STAP2: variants seen among roughly 807,000 people sequenced by gnomAD.
STAP2 encodes the protein signal-transducing adaptor protein 2.
In STAP2, 58 loss-of-function variants were observed where a neutral mutation model predicts 52.7. The ratio of observed to expected loss-of-function variants is 1.10; its 90% CI spans 0.89 to 1.37. The LOEUF (loss-of-function observed/expected upper bound fraction) is 1.37. Ranked by LOEUF, STAP2 falls within the 40% of genes most tolerant of loss-of-function variation. The pLI, the probability that STAP2 is intolerant of heterozygous loss-of-function variation, is 0.00. For missense variants in STAP2, 522 were observed against 519.4 expected, an observed-to-expected ratio of 1.00 and a Z score of -0.05; for synonymous variants, 231 against 210.5, an observed-to-expected ratio of 1.10 and a Z score of -0.84.
intron 1 of STAP2, among the ~76,000 whole-genome samples, chr19:4,336,556 C>G (rs987626295): frequency 1.3e-5 from 2 of 152,060 alleles, no homozygotes; most frequent in Non-Finnish European, 2.9e-5. Context: ...TCAAGTGATC[C>G]TCCCACCTCG....
chr19:4,329,077 C>A, intron 5 of STAP2: 2 of 416,842 alleles, frequency 4.8e-6, no homozygotes, highest in Non-Finnish European at 8.5e-6. Flanking sequence ...CTCGGCTCAC[C>A]GCAACCTCCG....
chr19:4,336,544 C>A (rs1282450030), intron 1 of STAP2, among the ~76,000 whole-genome samples: 2 of 152,014 alleles, frequency 1.3e-5, no homozygotes, highest in Non-Finnish European at 2.9e-5. Flanking sequence ...GAACTCCTGA[C>A]CTCAAGTGAT....
chr19:4,327,473 C>A, intron 6 of STAP2, 88 bp from the exon 7 acceptor site: 1 of 1,435,300 alleles, frequency 7.0e-7, no homozygotes, highest in South Asian at 1.2e-5. Context: ...CAGGCTCCGC[C>A]TCCAATAGAA....
At chr19:4,334,110 T>A in intron 1 of STAP2, 66 bp from the exon 2 acceptor site, 2 of 1,411,262 alleles carry the variant, frequency 1.4e-6, no homozygotes, top group South Asian at 2.5e-5. Flanking sequence ...ATGTACTCAA[T>A]CCTGTCTCGG....
At chr19:4,325,141 A>G (rs930346774) in intron 11 of STAP2, 75 bp downstream of exon 11, 3 of 1,338,138 alleles carry the variant, frequency 2.2e-6, no homozygotes, top group Admixed American at 2.4e-5. Context: ...TGTCTCAAAA[A>G]AAAAAAAAAA....
rs1029590768 is a variant in STAP2 at position 4,324,658 on chromosome 19, C to T, written c.1073-129G>A. ...ACCAGCCTGGGCAACATGGTGAAAC[C>T]CCTTCTCTACTAAAAATACAAAAAT... On this transcript the variant is annotated intron_variant, in intron 11 of 12. Transcript: ENST00000594605. The T allele has an allele frequency of 2.3e-6, 2 of 865,834 alleles. No homozygotes were observed. Among genetic ancestry groups the T allele is most frequent in the Non-Finnish European group, 1.8e-6 (1 of 566,358 alleles). 53.6% of individuals were successfully genotyped at this position (865,834 alleles called of 1,614,324 possible).
chr19:4,336,823 C>G (rs745723605), intron 1 of STAP2, among the ~76,000 whole-genome samples: 4 of 150,374 alleles, frequency 2.7e-5, no homozygotes, highest in Non-Finnish European at 4.4e-5. Flanking sequence ...TTAGTAGAGA[C>G]GAGGTTTCAC....
rs1449712042 is a variant in STAP2 at position 4,332,209 on chromosome 19, T to C, written c.298-131A>G. ...TTTCTTTTTCTTCTTTTTTTTTTTT[T>C]TTTTTTTTTTTTTGAGATGGAGTCT... On this transcript the variant is annotated intron_variant, in intron 3 of 12. Transcript: ENST00000594605. 40 of 565,706 alleles carry C rather than the reference T, an allele frequency of 7.1e-5. 1 individual carries two copies. The Admixed American group carries it at 8.1e-4, about 11-fold the overall frequency. 35.0% of individuals were successfully genotyped at this position (565,706 alleles called of 1,614,324 possible).
intron 9 of STAP2, among the ~76,000 whole-genome samples, chr19:4,326,668 G>A (rs77914360): frequency 0.018 from 2,769 of 151,946 alleles, 57 homozygotes; most frequent in African/African-American, 0.052. Flanking sequence ...ATCTTCTCCC[G>A]AACTCTAGGC....
At chr19:4,338,488 A>G (rs567818769) in intron 1 of STAP2, among the ~76,000 whole-genome samples, 164 bp downstream of exon 1, 10 of 152,304 alleles carry the variant, frequency 6.6e-5, no homozygotes, top group Admixed American at 6.5e-4. Context: ...ATAGACGCAC[A>G]GAGAGGCAGA....
At chr19:4,334,572 A>G (rs1207542962) in intron 1 of STAP2, among the ~76,000 whole-genome samples, 31 of 144,000 alleles carry the variant, frequency 2.2e-4, no homozygotes, top group Admixed American at 2.1e-3. Flanking sequence ...CCAGTTATTC[A>G]TCCACCCACC....
At chr19:4,333,209 C>T (rs1036833328) in intron 3 of STAP2, among the ~76,000 whole-genome samples, 2 of 148,882 alleles carry the variant, frequency 1.3e-5, no homozygotes, top group Admixed American at 1.3e-4. Context: ...AAAAATAAAC[C>T]CTCGGCTGGA....
At chr19:4,335,516 T>G (rs58169740) in intron 1 of STAP2, among the ~76,000 whole-genome samples, 47,178 of 151,764 alleles carry the variant, frequency 0.31, 7,533 homozygotes, top group East Asian at 0.53. Flanking sequence ...CCGCATGTAT[T>G]CACCAAGCCT....
intron 1 of STAP2, among the ~76,000 whole-genome samples, chr19:4,334,820 C>T (rs7408676): frequency 0.13 from 634 of 4,778 alleles, 121 homozygotes; most frequent in Middle Eastern, 0.33. Context: ...CATCCATCCA[C>T]TCATCCATCC....
intron 1 of STAP2, among the ~76,000 whole-genome samples, chr19:4,334,816 T>TCCAC (rs1568388581): frequency 2.2e-5 from 1 of 46,176 alleles, no homozygotes; most frequent in Non-Finnish European, 4.6e-5. Flanking sequence ...CCATCATCCA[T>TCCAC]CCACTCATCC....
chr19:4,329,985 GCCT>G lies in STAP2; in HGVS notation c.428_430del (p.Glu143del). On this transcript the variant is annotated inframe_deletion, in exon 5 of 13. Transcript: ENST00000594605. ...CGAGGGTGTCTCCAGTGCACGGCGC[GCCT>G]CCTCTTTGGCCAAGACTTCAGACAT... The G allele has an allele frequency of 6.2e-7, 1 of 1,613,516 alleles. No individual in the cohort carries two copies. The highest frequency in any genetic ancestry group is 1.1e-5 in the South Asian group (1 of 91,058).
At chr19:4,331,350 C>T (rs1333428693) in intron 4 of STAP2, among the ~76,000 whole-genome samples, 4 of 144,392 alleles carry the variant, frequency 2.8e-5, no homozygotes, top group Admixed American at 6.9e-5. Context: ...ATAAGAAATA[C>T]GGTTGGTCGC....
intron 9 of STAP2, 62 bp from the exon 10 acceptor site, chr19:4,325,607 CG>C (rs376114160): frequency 1.7e-5 from 25 of 1,508,762 alleles, no homozygotes; most frequent in Admixed American, 1.2e-4. Context: ...TGCAGGTTGG[CG>C]GGGGGGTCTG....
At chr19:4,328,630 T>TACCCCCC in intron 6 of STAP2, 45 bp downstream of exon 6, 5 of 1,541,482 alleles carry the variant, frequency 3.2e-6, no homozygotes, top group East Asian at 2.4e-5. Flanking sequence ...CCCACCCTCT[T>TACCCCCC]CCCACCCTCC....
Sources: allele counts gnomAD v4.1 joint callset (sites outside exome capture counted in the v4.1 genomes callset), GRCh38; gene constraint gnomAD v4.1.1; transcripts MANE v1.5; gene names NCBI Gene and HGNC (gene_info 2026-07-23, HGNC 2026-07-21).